Variants in CCDC7 observed in about 807,000 individuals in gnomAD.
CCDC7 encodes the protein coiled-coil domain-containing protein 7.
CCDC7 carries 183 observed loss-of-function variants against 196.9 expected under a neutral mutation model. The ratio of observed to expected loss-of-function variants is 0.93; its 90% CI spans 0.82 to 1.05. The LOEUF is 1.05. Among genes scored for constraint, CCDC7 ranks in the 50% least tolerant of loss-of-function variants. The pLI, the probability that CCDC7 is intolerant of heterozygous loss-of-function variation, is 0.00. For missense variants in CCDC7, 1,540 were observed against 1,482.2 expected (o/e 1.04, Z -0.64); for synonymous variants, 525 against 484.6 (o/e 1.08, Z -1.10).
At chr10:32,728,345 A>G (rs1263837918) in intron 26 of CCDC7, among the ~76,000 whole-genome samples, 1 of 152,126 alleles carries the variant, frequency 6.6e-6, no homozygotes, top group Non-Finnish European at 1.5e-5. Flanking sequence ...ATTGCCTGGT[A>G]GCTGTTTAGA....
At chr10:32,565,799 A>G (rs1219634990) in intron 14 of CCDC7, among the ~76,000 whole-genome samples, 179 bp downstream of exon 15, 1 of 152,200 alleles carries the variant, frequency 6.6e-6, no homozygotes, top group Non-Finnish European at 1.5e-5. Flanking sequence ...TTTAATATTC[A>G]TTCTTATCAA....
intron 18 of CCDC7, among the ~76,000 whole-genome samples, chr10:32,618,161 A>T (rs2139025513): frequency 6.6e-6 from 1 of 152,068 alleles, no homozygotes; most frequent in African/African-American, 2.4e-5. Context: ...GGAAGAATGT[A>T]ATTTGATCAT....
intron 9 of CCDC7, chr10:32,511,653 C>T: frequency 6.4e-7 from 1 of 1,571,608 alleles, no homozygotes; most frequent in Non-Finnish European, 8.7e-7. Context: ...TTCAGCATCT[C>T]ATCCACAGCA....
chr10:32,879,714 C>T (rs2094720606), downstream of CCDC7, among the ~76,000 whole-genome samples: 1 of 143,570 alleles, frequency 7.0e-6, no homozygotes, highest in South Asian at 2.5e-4. Context: ...CCTCCCCCAA[C>T]CCACAATAGG....
intron 25 of CCDC7, among the ~76,000 whole-genome samples, chr10:32,717,177 C>T (rs2081727099): frequency 6.6e-6 from 1 of 152,162 alleles, no homozygotes; most frequent in African/African-American, 2.4e-5. Flanking sequence ...GAAATCGTAA[C>T]AATCTCTCAG....
intron 23 of CCDC7, among the ~76,000 whole-genome samples, chr10:32,693,544 AC>A (rs1323342114): frequency 6.6e-6 from 1 of 152,146 alleles, no homozygotes; most frequent in Non-Finnish European, 1.5e-5. Flanking sequence ...AGTTACACTT[AC>A]AGTTGTTTGT....
intron 2 of CCDC7, among the ~76,000 whole-genome samples, chr10:32,455,124 G>C (rs2034025730): frequency 6.6e-6 from 1 of 151,892 alleles, no homozygotes; most frequent in South Asian, 2.1e-4. Flanking sequence ...CCTGAATGTG[G>C]GTGGAAGAAG....
At chr10:32,553,683 T>G (rs1277590333) in intron 13 of CCDC7, among the ~76,000 whole-genome samples, 2 of 152,206 alleles carry the variant, frequency 1.3e-5, no homozygotes, top group South Asian at 4.1e-4. Flanking sequence ...GATTGTTGTC[T>G]CTCTTCTGGG....
intron 9 of CCDC7, among the ~76,000 whole-genome samples, chr10:32,492,769 A>T (rs1211545517): frequency 2.0e-5 from 3 of 152,112 alleles, no homozygotes; most frequent in Admixed American, 2.0e-4. Flanking sequence ...TGGTTGTAAA[A>T]TAATGTAAAG....
chr10:32,837,211 C>T (rs549590107), intron 33 of CCDC7, among the ~76,000 whole-genome samples: 24 of 152,170 alleles, frequency 1.6e-4, no homozygotes, highest in East Asian at 1.4e-3. Context: ...CTACAAAGAA[C>T]GCAAACAAAT....
chr10:32,803,723 C>A lies in CCDC7; in HGVS notation c.3014-1292C>A, dbSNP rs545724395. Among the ~76,000 whole-genome samples, 8 of 152,190 alleles carry A rather than the reference C, an allele frequency of 5.3e-5. No homozygotes were observed. In the South Asian group the frequency reaches 1.7e-3, roughly 32 times the overall value. On this transcript the variant is annotated intron_variant, in intron 29 of 41. Coordinates refer to ENST00000639629, the Ensembl canonical transcript of CCDC7. ...ATATCTTTTAATTCAGGAATTTAAA[C>A]CACTTACATTCAAGATTGTTATTGA...
chr10:32,586,626 T>C (rs1400015299), intron 18 of CCDC7, among the ~76,000 whole-genome samples: 1 of 152,208 alleles, frequency 6.6e-6, no homozygotes, highest in Non-Finnish European at 1.5e-5. Flanking sequence ...ATTTATTAAA[T>C]AGGGAATCCT....
At chr10:32,709,057 G>A (rs749556165) in intron 24 of CCDC7, among the ~76,000 whole-genome samples, 86 of 152,230 alleles carry the variant, frequency 5.6e-4, no homozygotes, top group Non-Finnish European at 1.1e-3. Context: ...CAGTAGCAAA[G>A]CTTGGAACCA....
rs1298689164 is a variant in CCDC7 at position 32,699,592 on chromosome 10, T to C, written c.2458+4600T>C. On this transcript the variant is annotated intron_variant, in intron 24 of 41. Coordinates refer to ENST00000639629, the Ensembl canonical transcript of CCDC7. ...CCAGTAATGGGAGTGCTGGGTCAAA[T>C]GGTATTTCTAGTTCTAGATCCCTGA... 2.7e-5 allele frequency among the ~76,000 whole-genome samples: 4 copies of C among 149,218 alleles called. 1 individual carries two copies. Among genetic ancestry groups the C allele is most frequent in the African/African-American group, 1.0e-4 (4 of 38,564 alleles).
intron 41 of CCDC7, among the ~76,000 whole-genome samples, chr10:32,859,920 A>G (rs2093911895): frequency 6.6e-6 from 1 of 152,244 alleles, no homozygotes; most frequent in African/African-American, 2.4e-5. Context: ...GGCAGCAATT[A>G]ATAGCCTATT....
At chr10:32,591,555 G>A (rs180740729) in intron 18 of CCDC7, among the ~76,000 whole-genome samples, 264 of 151,792 alleles carry the variant, frequency 1.7e-3, no homozygotes, top group Middle Eastern at 0.014. Context: ...AAAATAATGG[G>A]TTATATGATT....
At chr10:32,850,407 GGC>G (rs1411380855) in intron 39 of CCDC7, among the ~76,000 whole-genome samples, 1 of 152,138 alleles carries the variant, frequency 6.6e-6, no homozygotes, top group Admixed American at 6.5e-5. Flanking sequence ...GCAGCATGCG[GGC>G]AAGCCTCAAT....
chr10:32,645,757 C>T (rs1179347245), intron 20 of CCDC7, among the ~76,000 whole-genome samples: 1 of 151,902 alleles, frequency 6.6e-6, no homozygotes, highest in Non-Finnish European at 1.5e-5. Context: ...CTTCATGATG[C>T]AATCTTGGTA....
intron 21 of CCDC7, among the ~76,000 whole-genome samples, chr10:32,665,694 A>G (rs1591328374): frequency 1.3e-5 from 2 of 152,038 alleles, no homozygotes; most frequent in South Asian, 2.1e-4. Context: ...TGCTTTGGCT[A>G]TTCAGCGTCT....
Sources: gnomAD v4.1 joint callset for allele counts (sites outside exome capture counted in the v4.1 genomes callset) on GRCh38, gnomAD v4.1.1 for gene constraint, MANE v1.5 for transcripts, NCBI Gene and HGNC (gene_info 2026-07-23, HGNC 2026-07-21) for gene names.